The following TRIO variants were observed in gnomAD, a reference collection of about 807,000 sequenced individuals.
TRIO encodes the protein triple functional domain protein.
Under a neutral mutation model 351.9 loss-of-function variants are expected in TRIO, and 58 were observed. That is an observed-to-expected ratio of 0.16 (90% confidence interval 0.13 to 0.21). The LOEUF (loss-of-function observed/expected upper bound fraction) is 0.21. Among genes scored for constraint, TRIO ranks in the 10% least tolerant of loss-of-function variants. The pLI, the probability that TRIO is intolerant of heterozygous loss-of-function variation, is 1.00. For missense variants in TRIO, 3,201 were observed against 4,027.8 expected, an observed-to-expected ratio of 0.79 and a Z score of 5.56; for synonymous variants, 1,758 against 1,595.7, an observed-to-expected ratio of 1.10 and a Z score of -2.42.
At chr5:14,315,489 G>T (rs1650814812) in intron 8 of TRIO, among the ~76,000 whole-genome samples, 1 of 152,126 alleles carries the variant, frequency 6.6e-6, no homozygotes, top group Non-Finnish European at 1.5e-5. Context: ...TTGACCTTGT[G>T]ATCCGCCTGC....
At chr5:14,165,161 G>A (rs1581257368) in intron 1 of TRIO, among the ~76,000 whole-genome samples, 1 of 152,088 alleles carries the variant, frequency 6.6e-6, no homozygotes, top group Non-Finnish European at 1.5e-5. Flanking sequence ...GGGGATATAC[G>A]AGCAGATTTG....
intron 1 of TRIO, among the ~76,000 whole-genome samples, chr5:14,266,489 TTTA>T (rs750010823): frequency 3.9e-5 from 6 of 152,224 alleles, no homozygotes; most frequent in African/African-American, 9.6e-5. Context: ...CAGTATAATG[TTTA>T]TTATTAAGGA....
chr5:14,498,133 A>G lies in TRIO; in HGVS notation c.8092A>G (p.Thr2698Ala). The stretch of plus-strand genomic sequence containing the variant: ...TCCATTGAGTGAGGTCACGTGTGAG[A>G]CAGGGGAGACCGTTGTTCTTAGATG... ...VIPLSEVTCE[T>A]GETVVLRCRV... Residue 2698 changes from threonine (T) to alanine (A), a missense_variant, in exon 52 of 57, where the codon ACA becomes GCA. By Grantham distance (58) the Thr-to-Ala change is moderately conservative. This residue lies in a region of TRIO where 1,089 missense variants were observed against 954.9 expected (regional missense o/e 1.14). Coordinates refer to ENST00000344204, the MANE Select transcript of TRIO (RefSeq NM_007118.4). 6.2e-7 allele frequency: 1 copy of G among 1,614,148 alleles called. No homozygotes were observed.
At chr5:14,451,702 A>C (rs1752861801) in intron 34 of TRIO, among the ~76,000 whole-genome samples, 1 of 152,256 alleles carries the variant, frequency 6.6e-6, no homozygotes, top group South Asian at 2.1e-4. Flanking sequence ...GTTGCTGCAA[A>C]GTGCCTTTGA....
intron 1 of TRIO, among the ~76,000 whole-genome samples, chr5:14,181,349 T>G (rs1393675707): frequency 1.3e-5 from 2 of 152,196 alleles, no homozygotes; most frequent in Non-Finnish European, 2.9e-5. Context: ...AAACTAAAAT[T>G]GTTGTGGGCT....
intron 34 of TRIO, among the ~76,000 whole-genome samples, chr5:14,440,061 TAA>T (rs973432374): frequency 6.6e-6 from 1 of 151,770 alleles, no homozygotes; most frequent in African/African-American, 2.4e-5. Flanking sequence ...ACTGAGGAAG[TAA>T]AAAAAGGCAA....
chr5:14,317,026 A>G (rs544496382), intron 9 of TRIO, among the ~76,000 whole-genome samples: 12 of 152,258 alleles, frequency 7.9e-5, no homozygotes, highest in South Asian at 2.1e-4. Flanking sequence ...ATTTGTGACA[A>G]TAATGCTGGT....
At chr5:14,257,197 C>T (rs1280285171) in intron 1 of TRIO, among the ~76,000 whole-genome samples, 1 of 152,240 alleles carries the variant, frequency 6.6e-6, no homozygotes, top group East Asian at 1.9e-4. Flanking sequence ...CCCTCTTGCC[C>T]TCTGGACACC....
chr5:14,334,631 G>A (rs766447598), intron 10 of TRIO, among the ~76,000 whole-genome samples: 6 of 152,194 alleles, frequency 3.9e-5, no homozygotes, highest in South Asian at 2.1e-4. Context: ...ATGTGCGTCT[G>A]TGGCACTCTG....
intron 9 of TRIO, among the ~76,000 whole-genome samples, chr5:14,317,929 C>T (rs893980201): frequency 7.9e-5 from 12 of 152,194 alleles, no homozygotes; most frequent in East Asian, 7.7e-4. Context: ...GAATTCGAGA[C>T]GAGCCTGCCC....
intron 1 of TRIO, among the ~76,000 whole-genome samples, chr5:14,235,327 C>G (rs986997341): frequency 3.3e-5 from 5 of 152,042 alleles, no homozygotes; most frequent in Middle Eastern, 3.2e-3. Flanking sequence ...TAATGAGATC[C>G]AAACAAAAAT....
intron 21 of TRIO, among the ~76,000 whole-genome samples, chr5:14,386,305 G>A (rs1257090924): frequency 6.6e-6 from 1 of 152,156 alleles, no homozygotes; most frequent in African/African-American, 2.4e-5. Flanking sequence ...AGCCACAGCT[G>A]GGGGACGGGG....
intron 1 of TRIO, among the ~76,000 whole-genome samples, chr5:14,188,240 A>T (rs1052898145): frequency 6.6e-6 from 1 of 152,262 alleles, no homozygotes; most frequent in Non-Finnish European, 1.5e-5. Flanking sequence ...TAGAATAATT[A>T]TGATGCCAGC....
intron 9 of TRIO, among the ~76,000 whole-genome samples, chr5:14,317,459 G>C (rs1008518015): frequency 6.6e-6 from 1 of 152,156 alleles, no homozygotes; most frequent in African/African-American, 2.4e-5. Flanking sequence ...GAGTATGCAG[G>C]GTAGCCCATG....
Position 14,481,629 on chromosome 5 carries a change from T to A in TRIO, c.6465+11T>A, listed in dbSNP as rs1458269151. 6.2e-7 allele frequency: 1 copy of A among 1,614,116 alleles called. No homozygotes were observed. The highest frequency in any genetic ancestry group is 8.5e-7 in the Non-Finnish European group (1 of 1,179,986). On this transcript the variant is annotated intron_variant, in intron 45 of 56. Transcript: ENST00000344204. ...CTGCAAGGATTCGACGTAATGCGGC[T>A]CTTGTTTTTTAAGAGAGCTCCTCTG... is the stretch of plus-strand genomic sequence containing the variant.
At chr5:14,223,009 A>G (rs1354550811) in intron 1 of TRIO, among the ~76,000 whole-genome samples, 1 of 152,214 alleles carries the variant, frequency 6.6e-6, no homozygotes, top group Non-Finnish European at 1.5e-5. Flanking sequence ...AATCCTGGGC[A>G]TGAAGCCTTT....
chr5:14,331,121 A>G (rs1406991615), intron 10 of TRIO, among the ~76,000 whole-genome samples: 1 of 152,272 alleles, frequency 6.6e-6, no homozygotes, highest in African/African-American at 2.4e-5. Context: ...TGGAACAGAA[A>G]TGTGACTTGG....
intron 1 of TRIO, among the ~76,000 whole-genome samples, chr5:14,172,248 C>G (rs891413133): frequency 6.6e-6 from 1 of 152,194 alleles, no homozygotes; most frequent in Non-Finnish European, 1.5e-5. Flanking sequence ...CTTAAAAATA[C>G]CTCTGTAACT....
intron 11 of TRIO, among the ~76,000 whole-genome samples, chr5:14,357,923 TGCCCGCCGTTC>T (rs1254597341): frequency 2.6e-5 from 4 of 152,130 alleles, no homozygotes; most frequent in African/African-American, 7.2e-5. Context: ...GTGACAGTGC[TGCCCGCCGTTC>T]GCCTGTTTAT....
Sources: allele counts gnomAD v4.1 joint callset (sites outside exome capture counted in the v4.1 genomes callset), GRCh38; gene constraint gnomAD v4.1.1; regional missense constraint gnomAD v4.1.1; transcripts MANE v1.5; gene names NCBI Gene and HGNC (gene_info 2026-07-23, HGNC 2026-07-21).